Variants in B4GALT1 observed in about 807,000 individuals in gnomAD.
B4GALT1 encodes the protein N-acetyllactosamine synthase.
B4GALT1 carries 16 observed loss-of-function variants against 34.9 expected under a neutral mutation model. The ratio of observed to expected loss-of-function variants is 0.46; its 90% CI spans 0.31 to 0.70. The LOEUF is 0.70. B4GALT1 is among the 30% of genes least tolerant of loss of function. B4GALT1 has a pLI of 0.05. For missense variants in B4GALT1, 445 were observed against 530.5 expected, an observed-to-expected ratio of 0.84 and a Z score of 1.58; for synonymous variants, 221 against 218.1, an observed-to-expected ratio of 1.01 and a Z score of -0.12.
rs1173103888 is a variant in B4GALT1 at position 33,110,744 on chromosome 9, T to C, written c.*2710A>G. Reference sequence around the variant, plus strand: ...AGATCAGACACAGCCCCCTACACAATGGTAAATACACACATTTGCATACAC... The same window carrying C: ...AGATCAGACACAGCCCCCTACACAACGGTAAATACACACATTTGCATACAC... On this transcript the variant is annotated 3_prime_UTR_variant, in exon 6 of 6. Coordinates refer to ENST00000379731, the MANE Select transcript of B4GALT1 (RefSeq NM_001497.4). 6.6e-6 allele frequency: 1 copy of C among 152,130 alleles called. No individual in the cohort carries two copies. Among genetic ancestry groups the C allele is most frequent in the African/African-American group, 2.4e-5 (1 of 41,396 alleles). 9.4% of individuals were successfully genotyped at this position (152,130 alleles called of 1,614,324 possible). A position where few individuals can be genotyped will look rare whatever the true frequency, so the allele number is the denominator to read the frequency against.
intron 2 of B4GALT1, among the ~76,000 whole-genome samples, chr9:33,128,023 A>G (rs10813951): frequency 0.26 from 39,067 of 152,058 alleles, 5,401 homozygotes; most frequent in East Asian, 0.53. Context: ...ATTTGAGGAC[A>G]TGTGAACATT....
In B4GALT1 at chr9:33,155,217, G is replaced by A. The variant is rs192068289; in HGVS notation, c.412+11541C>T. On this transcript the variant is annotated intron_variant, in intron 1 of 5. Coordinates refer to ENST00000379731, the MANE Select transcript of B4GALT1 (RefSeq NM_001497.4). ...CCAGAGAGAGAACATGATTTCTCTC[G>A]GATTATTCAGTAGGTTGGAAAGAGA... is the stretch of plus-strand genomic sequence containing the variant. Among the ~76,000 whole-genome samples the A allele has an allele frequency of 5.9e-5, 9 of 152,142 alleles. No homozygotes were observed. In the South Asian group the frequency reaches 8.3e-4, roughly 14 times the overall value.
upstream of B4GALT1, among the ~76,000 whole-genome samples, chr9:33,171,375 G>GTGGCTGCTT (rs1449653881): frequency 6.6e-6 from 1 of 152,186 alleles, no homozygotes; most frequent in African/African-American, 2.4e-5. Flanking sequence ...GACTCTCCAT[G>GTGGCTGCTT]TGGCTGCTTG....
intron 2 of B4GALT1, among the ~76,000 whole-genome samples, chr9:33,134,565 A>G (rs1840239792): frequency 6.6e-6 from 1 of 152,260 alleles, no homozygotes; most frequent in South Asian, 2.1e-4. Context: ...AAGTTGACCT[A>G]TCCTTAGCAT....
At chr9:33,135,456 G>C (rs780480775) in intron 1 of B4GALT1, 32 bp from the exon 2 acceptor site, 3 of 1,602,298 alleles carry the variant, frequency 1.9e-6, no homozygotes, top group African/African-American at 2.7e-5. Flanking sequence ...GAAGTTAGCA[G>C]GCCACAGGAC....
the B4GALT1 span, among the ~76,000 whole-genome samples, chr9:33,180,938 C>T: frequency 6.6e-6 from 1 of 152,162 alleles, no homozygotes; most frequent in East Asian, 1.9e-4. Context: ...TACTATCATC[C>T]AACCCATATT....
At chr9:33,134,113 C>T (rs779032170) in intron 2 of B4GALT1, among the ~76,000 whole-genome samples, 8 of 152,188 alleles carry the variant, frequency 5.3e-5, no homozygotes, top group Non-Finnish European at 1.2e-4. Context: ...CGGGACAGGG[C>T]AGGACTGAGA....
At chr9:33,143,798 C>A (rs1262997061) in intron 1 of B4GALT1, among the ~76,000 whole-genome samples, 1 of 152,182 alleles carries the variant, frequency 6.6e-6, no homozygotes, top group Non-Finnish European at 1.5e-5. Flanking sequence ...ATTTTCCTCT[C>A]TGAAAATGTG....
In B4GALT1 at chr9:33,116,090, C is replaced by A; in HGVS notation, c.860G>T (p.Gly287Val). The change falls in exon 4 of 6, where the codon GGA becomes GTA. Residue 287 changes from glycine (G) to valine (V), a missense_variant. Transcript: ENST00000379731. ...GFSLPYVQYF[G>V]GVSALSKQQF... ...TTGTTTACTTAGAGCAGAGACACCT[C>A]CAAAATACTGAACATAAGGTAGGCT... 1 of 1,613,458 alleles carries A rather than the reference C, an allele frequency of 6.2e-7. No individual in the cohort carries two copies. The highest frequency in any genetic ancestry group is 8.5e-7 in the Non-Finnish European group (1 of 1,179,586).
At chr9:33,149,493 T>A (rs909103438) in intron 1 of B4GALT1, among the ~76,000 whole-genome samples, 4 of 152,138 alleles carry the variant, frequency 2.6e-5, no homozygotes, top group African/African-American at 9.7e-5. Flanking sequence ...TTATGTTGGC[T>A]AGGATGGTTT....
At chr9:33,166,695 G>T in intron 1 of B4GALT1, 63 bp downstream of exon 1, 1 of 1,445,562 alleles carries the variant, frequency 6.9e-7, no homozygotes, top group Non-Finnish European at 9.1e-7. Flanking sequence ...ATGTCTGGGG[G>T]ACCCTGTCGG....
At chr9:33,115,294 C>G (rs1206589790) in intron 4 of B4GALT1, among the ~76,000 whole-genome samples, 1 of 152,234 alleles carries the variant, frequency 6.6e-6, no homozygotes, top group Non-Finnish European at 1.5e-5. Flanking sequence ...TGATATTAAA[C>G]TCAGTAATGA....
the B4GALT1 span, among the ~76,000 whole-genome samples, chr9:33,182,931 C>T: frequency 1.3e-5 from 2 of 152,062 alleles, no homozygotes; most frequent in African/African-American, 2.4e-5. Flanking sequence ...AACATTTAGC[C>T]ATGTTTATTT....
intron 1 of B4GALT1, among the ~76,000 whole-genome samples, chr9:33,135,869 T>A (rs1472506605): frequency 6.6e-6 from 1 of 151,676 alleles, no homozygotes; most frequent in Non-Finnish European, 1.5e-5. Context: ...ATCATCTCTC[T>A]GATTCTAGCC....
At chr9:33,172,355 C>G (rs559974225), upstream of B4GALT1, among the ~76,000 whole-genome samples, 25 of 152,206 alleles carry the variant, frequency 1.6e-4, no homozygotes, top group African/African-American at 6.0e-4. Flanking sequence ...TTTCTTCATG[C>G]CTCTTCACTG....
chr9:33,166,629 A>T, intron 1 of B4GALT1, 129 bp downstream of exon 1: 1 of 1,153,838 alleles, frequency 8.7e-7, no homozygotes, highest in Non-Finnish European at 1.2e-6. Context: ...TCTGGGATTT[A>T]AAACTCTGAT....
chr9:33,152,954 C>G (rs1396859512), intron 1 of B4GALT1, among the ~76,000 whole-genome samples: 2 of 152,126 alleles, frequency 1.3e-5, no homozygotes, highest in African/African-American at 4.8e-5. Flanking sequence ...GTCCCAGCTA[C>G]TCAGGAGGCT....
the B4GALT1 span, among the ~76,000 whole-genome samples, chr9:33,183,256 T>C: frequency 6.6e-6 from 1 of 152,116 alleles, no homozygotes; most frequent in African/African-American, 2.4e-5. Flanking sequence ...TTAGTAGCTG[T>C]TTTGGTTATC....
At position 33,167,260 on chromosome 9, in the gene B4GALT1, G is replaced by T. The variant is rs1021372845; in HGVS notation, c.-91C>A. On this transcript the variant is annotated 5_prime_UTR_variant, in exon 1 of 6. Coordinates refer to ENST00000379731, the MANE Select transcript of B4GALT1 (RefSeq NM_001497.4). ...CCGCCAGGCGCTGCCCCACAGCGGC[G>T]ACTAGGGGAGGGCCCGGAGCGGGGG... 3 of 1,399,244 alleles carry T rather than the reference G, an allele frequency of 2.1e-6. No homozygotes were observed. The highest frequency in any genetic ancestry group is 3.0e-5 in the African/African-American group (2 of 65,610). The allele number at this position is 1,399,244 out of a possible 1,614,324, so 86.7% of individuals were successfully genotyped here.
Sources: allele counts gnomAD v4.1 joint callset (sites outside exome capture counted in the v4.1 genomes callset), GRCh38; gene constraint gnomAD v4.1.1; transcripts MANE v1.5; gene names NCBI Gene and HGNC (gene_info 2026-07-23, HGNC 2026-07-21).